PTPN22: variants seen among roughly 807,000 people sequenced by gnomAD.
PTPN22 encodes the protein tyrosine-protein phosphatase non-receptor type 22.
In PTPN22, 85 loss-of-function variants were observed where a neutral mutation model predicts 103.3. The ratio of observed to expected loss-of-function variants is 0.82; its 90% CI spans 0.69 to 0.99. The LOEUF is 0.99. PTPN22 is among the 50% of genes least tolerant of loss of function. PTPN22 has a pLI of 0.00. For missense variants in PTPN22, 865 were observed against 936.9 expected, an observed-to-expected ratio of 0.92 and a Z score of 1.00; for synonymous variants, 323 against 310.2, an observed-to-expected ratio of 1.04 and a Z score of -0.43.
intron 16 of PTPN22, among the ~76,000 whole-genome samples, chr1:113,832,558 C>T (rs1023543832): frequency 1.3e-5 from 2 of 152,200 alleles, no homozygotes; most frequent in African/African-American, 4.8e-5. Context: ...TCACTGCAGC[C>T]TCAAATTCCT....
At position 113,829,882 on chromosome 1, in the gene PTPN22, A is replaced by G. The variant is rs367624675; in HGVS notation, c.2134+67T>C. ...TTTTGTACCTTTCCATTTAGGTCCT[A>G]CTTTATTGTTAATCTTTTAACATTT... On this transcript the variant is annotated intron_variant, in intron 17 of 20. Coordinates refer to ENST00000359785, the Ensembl canonical transcript of PTPN22. The G allele has an allele frequency of 5.3e-4, 748 of 1,419,680 alleles. 9 individuals carry two copies. In the South Asian group the frequency reaches 8.3e-3, roughly 16 times the overall value. 87.9% of individuals were successfully genotyped at this position (1,419,680 alleles called of 1,614,324 possible).
intron 9 of PTPN22, 45 bp from the exon 10 acceptor site, chr1:113,852,149 T>C: frequency 7.1e-7 from 1 of 1,402,012 alleles, no homozygotes; most frequent in Non-Finnish European, 1.0e-6. Flanking sequence ...ATTTTGTTAA[T>C]AAATTATTGC....
intron 11 of PTPN22, among the ~76,000 whole-genome samples, chr1:113,840,744 A>G (rs1187544590): frequency 2.6e-5 from 4 of 152,248 alleles, no homozygotes; most frequent in African/African-American, 9.6e-5. Context: ...ACAGAGCTAC[A>G]GTAATTAAAA....
intron 20 of PTPN22, among the ~76,000 whole-genome samples, chr1:113,818,980 A>T (rs1175875009): frequency 6.6e-6 from 1 of 152,242 alleles, no homozygotes; most frequent in Non-Finnish European, 1.5e-5. Context: ...GGTTAATAAT[A>T]ATTTTTAGTA....
chr1:113,837,871 C>A (rs202143877), exon 13 of PTPN22: 107 of 1,613,960 alleles, frequency 6.6e-5, no homozygotes, highest in Non-Finnish European at 8.7e-5. Context: ...AGAGGCATTA[C>A]GTATTTGGTG....
chr1:113,840,873 G>C (rs1486341591), intron 11 of PTPN22, among the ~76,000 whole-genome samples: 1 of 152,216 alleles, frequency 6.6e-6, no homozygotes, highest in Non-Finnish European at 1.5e-5. Flanking sequence ...ATTCAATGGA[G>C]AAAGGAGAGT....
At chr1:113,863,762 C>T (rs1665837667) in intron 1 of PTPN22, among the ~76,000 whole-genome samples, 1 of 152,020 alleles carries the variant, frequency 6.6e-6, no homozygotes, top group Non-Finnish European at 1.5e-5. Flanking sequence ...TTTGATATGT[C>T]TCTGGTCTTC....
chr1:113,834,213 G>A, intron 15 of PTPN22, 96 bp downstream of exon 15: 1 of 1,272,628 alleles, frequency 7.9e-7, no homozygotes. Flanking sequence ...TTTAGTATGT[G>A]CTTAGGATTT....
chr1:113,825,223 A>C, intron 18 of PTPN22, 51 bp from the exon 19 acceptor site: 1 of 1,135,204 alleles, frequency 8.8e-7, no homozygotes, highest in Non-Finnish European at 1.3e-6. Flanking sequence ...AACTTGAAAT[A>C]CTTTAATCAA....
chr1:113,832,053 C>CCAT, intron 16 of PTPN22, among the ~76,000 whole-genome samples: 1 of 68,734 alleles, frequency 1.5e-5, no homozygotes, highest in East Asian at 2.4e-4. Context: ...CTAAGGGATT[C>CCAT]TATTCTTTTA....
intron 9 of PTPN22, among the ~76,000 whole-genome samples, chr1:113,852,597 A>C (rs1052057161): frequency 6.6e-6 from 1 of 152,232 alleles, no homozygotes. Context: ...CTCAAACTTC[A>C]TCATGCATCA....
intron 10 of PTPN22, 105 bp downstream of exon 10, chr1:113,851,922 A>C: frequency 1.4e-6 from 1 of 697,446 alleles, no homozygotes; most frequent in South Asian, 2.4e-5. Flanking sequence ...CGTAATGGTA[A>C]ATTGGTGTTA....
intron 1 of PTPN22, among the ~76,000 whole-genome samples, chr1:113,867,464 G>T (rs1223276207): frequency 1.2e-4 from 18 of 152,016 alleles, no homozygotes; most frequent in Admixed American, 1.2e-3. Context: ...TATTTCACAG[G>T]GTTTTCTTAA....
chr1:113,844,169 T>TA (rs1558037832), intron 11 of PTPN22, among the ~76,000 whole-genome samples: 1 of 151,908 alleles, frequency 6.6e-6, no homozygotes, highest in South Asian at 2.1e-4. Flanking sequence ...TTTTATCTTT[T>TA]AAAAAAACCA....
chr1:113,833,948 A>C (rs1474485830), intron 15 of PTPN22, among the ~76,000 whole-genome samples: 1 of 152,218 alleles, frequency 6.6e-6, no homozygotes, highest in African/African-American at 2.4e-5. Flanking sequence ...ACTATCCTTC[A>C]AGAATCAGCT....
At chr1:113,837,437 G>A (rs1207626510) in intron 13 of PTPN22, among the ~76,000 whole-genome samples, 153 bp downstream of exon 13, 3 of 146,920 alleles carry the variant, frequency 2.0e-5, no homozygotes, top group Non-Finnish European at 3.0e-5. Context: ...GTGACAGAGC[G>A]AGACTCCATC....
At chr1:113,867,640 C>T (rs923342739) in intron 1 of PTPN22, among the ~76,000 whole-genome samples, 3 of 152,208 alleles carry the variant, frequency 2.0e-5, no homozygotes, top group African/African-American at 7.2e-5. Context: ...TGGAGCATTG[C>T]ATTGCATTCC....
intron 1 of PTPN22, among the ~76,000 whole-genome samples, chr1:113,866,658 C>T (rs1666148049): frequency 6.6e-6 from 1 of 152,048 alleles, no homozygotes; most frequent in Non-Finnish European, 1.5e-5. Context: ...AATATGAGAA[C>T]ACAAAATTGT....
intron 7 of PTPN22, 62 bp from the exon 8 acceptor site, chr1:113,855,111 T>C: frequency 7.0e-7 from 1 of 1,433,886 alleles, no homozygotes. Context: ...ACCTATTGGG[T>C]ATTATGCTCA....
Sources: gnomAD v4.1 joint callset for allele counts (sites outside exome capture counted in the v4.1 genomes callset) on GRCh38, gnomAD v4.1.1 for gene constraint, MANE v1.5 for transcripts, NCBI Gene and HGNC (gene_info 2026-07-23, HGNC 2026-07-21) for gene names.